The following SYT2 variants were observed in gnomAD, a reference collection of about 807,000 sequenced individuals.
SYT2 encodes the protein synaptotagmin 2.
Under a neutral mutation model 39.9 loss-of-function variants are expected in SYT2, and 15 were observed. The observed-to-expected ratio is 0.38, with a 90% CI of 0.25 to 0.58. The LOEUF (loss-of-function observed/expected upper bound fraction) is 0.58, where lower values mean the gene tolerates loss of function less well. Ranked by LOEUF, SYT2 falls within the 20% of genes least tolerant of loss-of-function variation. The pLI, the probability that SYT2 is intolerant of heterozygous loss-of-function variation, is 0.70. For synonymous variants in SYT2, 181 were observed against 204.5 expected, an observed-to-expected ratio of 0.89 and a Z score of 0.98; for missense variants, 389 against 530.3, an observed-to-expected ratio of 0.73 and a Z score of 2.62.
At chr1:202,604,400 C>G in intron 3 of SYT2, 55 bp downstream of exon 3, 1 of 1,569,434 alleles carries the variant, frequency 6.4e-7, no homozygotes. Context: ...CTTTCAGCAT[C>G]AGGAAAGCCT....
At chr1:202,653,288 T>C (rs377642994) in intron 1 of SYT2, among the ~76,000 whole-genome samples, 40 of 152,244 alleles carry the variant, frequency 2.6e-4, no homozygotes, top group African/African-American at 9.4e-4. Flanking sequence ...CTTAGATATA[T>C]AGATTCACAC....
intron 1 of SYT2, among the ~76,000 whole-genome samples, chr1:202,691,724 AGAGGGGGG>A (rs532706113): frequency 0.023 from 217 of 9,594 alleles, 3 homozygotes; most frequent in East Asian, 0.081. Context: ...AGGGAGAGGG[AGAGGGGGG>A]GAGAGAGAGA....
intron 8 of SYT2, among the ~76,000 whole-genome samples, chr1:202,598,844 G>A (rs1263337459): frequency 1.3e-5 from 2 of 152,168 alleles, no homozygotes; most frequent in African/African-American, 4.8e-5. Flanking sequence ...AGTGGGGCAG[G>A]GATGGCCAAG....
Position 202,623,111 on chromosome 1 carries a change from G to A in SYT2, c.-17-17322C>T, listed in dbSNP as rs369732172. Among the ~76,000 whole-genome samples the A allele has an allele frequency of 1.3e-5, 2 of 152,284 alleles. No homozygotes were observed. Among genetic ancestry groups the A allele is most frequent in the South Asian group, 2.1e-4 (1 of 4,830 alleles). ...GCAGGGATAGTAGCAGTGGTGAGGGGGCAGAGGGATGCCCCCGCCAGGCAA... is the reference window on the plus strand; with the variant it reads ...GCAGGGATAGTAGCAGTGGTGAGGGAGCAGAGGGATGCCCCCGCCAGGCAA... On this transcript the variant is annotated intron_variant, in intron 1 of 8. Coordinates refer to ENST00000367268, the MANE Select transcript of SYT2 (RefSeq NM_177402.5). The surrounding 1 kb of genome is among the most constrained non-coding windows in gnomAD (Gnocchi z 4.2).
At chr1:202,656,236 C>T (rs1268595180) in intron 1 of SYT2, among the ~76,000 whole-genome samples, 1 of 152,218 alleles carries the variant, frequency 6.6e-6, no homozygotes, top group Non-Finnish European at 1.5e-5. Context: ...TCAGCCTGGT[C>T]AGGGTAAGCC....
intron 1 of SYT2, among the ~76,000 whole-genome samples, chr1:202,637,245 G>T (rs1358747419): frequency 2.0e-5 from 3 of 152,044 alleles, no homozygotes; most frequent in Non-Finnish European, 4.4e-5. Flanking sequence ...CAGCTATGTG[G>T]GATGCTGAGG....
rs554429420 is a variant in SYT2, at chr1:202,655,991, C to T, written c.-17-50202G>A. Among the ~76,000 whole-genome samples, 3 of 152,196 alleles carry T rather than the reference C, an allele frequency of 2.0e-5. No homozygotes were observed. In the South Asian group the frequency reaches 6.2e-4, roughly 32 times the overall value. On this transcript the variant is annotated intron_variant, in intron 1 of 8. Transcript: ENST00000367268. ...CCTGTCTGAGCAGCAACAGGTGTGA[C>T]CCCAGGCCAAGAAATAAGGACCAGA...
In SYT2 at chr1:202,602,651, G is replaced by A. The variant is rs1266678092; in HGVS notation, c.466-106C>T. On this transcript the variant is annotated intron_variant, in intron 4 of 8. Coordinates refer to ENST00000367268, the MANE Select transcript of SYT2 (RefSeq NM_177402.5). Reference sequence around the variant, plus strand: ...CAATTCCGTCCCAGAGGAGGCAGTTGGGGCAGGGAAATGGCGGGAGGCTGG... The same window carrying A: ...CAATTCCGTCCCAGAGGAGGCAGTTAGGGCAGGGAAATGGCGGGAGGCTGG... 3 of 1,185,240 alleles carry A rather than the reference G, an allele frequency of 2.5e-6. No homozygotes were observed. In the Admixed American group the frequency reaches 7.3e-5, roughly 29 times the overall value. 73.4% of individuals were successfully genotyped at this position (1,185,240 alleles called of 1,614,324 possible).
intron 1 of SYT2, among the ~76,000 whole-genome samples, chr1:202,667,648 T>C (rs1304122465): frequency 6.6e-6 from 1 of 152,142 alleles, no homozygotes; most frequent in Non-Finnish European, 1.5e-5. Context: ...AAAAGTCCCA[T>C]GAGAGTAATG....
At chr1:202,603,902 A>G (rs537020224) in intron 3 of SYT2, among the ~76,000 whole-genome samples, 1 of 152,334 alleles carries the variant, frequency 6.6e-6, no homozygotes, top group African/African-American at 2.4e-5. Flanking sequence ...CATGGGGGAA[A>G]TGGAAGCACA....
At chr1:202,674,298 T>C (rs1173509840) in intron 1 of SYT2, among the ~76,000 whole-genome samples, 1 of 152,052 alleles carries the variant, frequency 6.6e-6, no homozygotes, top group African/African-American at 2.4e-5. Context: ...GGCAGGGTTT[T>C]GCCATATTGG....
chr1:202,651,724 G>A (rs1215168382), intron 1 of SYT2, among the ~76,000 whole-genome samples: 1 of 152,164 alleles, frequency 6.6e-6, no homozygotes, highest in Non-Finnish European at 1.5e-5. Flanking sequence ...AAGTTTCCAT[G>A]CAGATATTAT....
At position 202,591,679 on chromosome 1, in the gene SYT2, C is replaced by G. The variant is rs1690124832; in HGVS notation, c.*5078G>C. 1 of 152,338 alleles carries G rather than the reference C, an allele frequency of 6.6e-6. No homozygotes were observed. Among genetic ancestry groups the G allele is most frequent in the Non-Finnish European group, 1.5e-5 (1 of 68,196 alleles). The allele number at this position is 152,338 out of a possible 1,614,324, so 9.4% of individuals were successfully genotyped here. On this transcript the variant is annotated 3_prime_UTR_variant, in exon 9 of 9. Transcript: ENST00000367268. ...AGGATGCACGAGGGAAGAGCGTCAG[C>G]CCCTGTATTCACCGGCCTCTCCCTG...
intron 8 of SYT2, among the ~76,000 whole-genome samples, chr1:202,598,512 C>CA (rs1216899342): frequency 2.6e-5 from 4 of 152,146 alleles, no homozygotes; most frequent in African/African-American, 4.8e-5. Context: ...CCCTTGCCCC[C>CA]AGCCCTCCTG....
intron 1 of SYT2, among the ~76,000 whole-genome samples, chr1:202,624,171 T>C (rs1691280276): frequency 6.6e-6 from 1 of 151,396 alleles, no homozygotes; most frequent in South Asian, 2.1e-4. Flanking sequence ...GGCGTGTGCA[T>C]GTATGTGGTG....
intron 1 of SYT2, among the ~76,000 whole-genome samples, chr1:202,655,381 T>C (rs1692261462): frequency 6.6e-6 from 1 of 152,186 alleles, no homozygotes; most frequent in African/African-American, 2.4e-5. Context: ...GGGTTGTTGT[T>C]GTTTTTTTAA....
intron 1 of SYT2, chr1:202,627,660 AG>A (rs1691455883): frequency 4.1e-6 from 4 of 983,364 alleles, no homozygotes; most frequent in Admixed American, 1.2e-4. Context: ...CTGGTTAATG[AG>A]GGTTTGACCA....
intron 1 of SYT2, among the ~76,000 whole-genome samples, chr1:202,681,708 C>T (rs1653530555): frequency 6.6e-6 from 1 of 152,160 alleles, no homozygotes; most frequent in African/African-American, 2.4e-5. Flanking sequence ...GATGACTCCC[C>T]AGCCATAGAC....
At chr1:202,709,355 T>C (rs553180241) in intron 1 of SYT2, among the ~76,000 whole-genome samples, 1 of 152,028 alleles carries the variant, frequency 6.6e-6, no homozygotes, top group South Asian at 2.1e-4. Context: ...CTGTGGAATG[T>C]GGGGATGAAA....
Sources: gnomAD v4.1 joint callset for allele counts (sites outside exome capture counted in the v4.1 genomes callset) on GRCh38, gnomAD v4.1.1 for gene constraint, Gnocchi (gnomAD v3.1) non-coding constraint, MANE v1.5 for transcripts, NCBI Gene and HGNC (gene_info 2026-07-23, HGNC 2026-07-21) for gene names.